Variants in FNBP1 observed in about 807,000 individuals in gnomAD.
FNBP1 encodes the protein formin binding protein 1.
A neutral mutation model predicts 90.6 loss-of-function variants in FNBP1; 26 were observed. The observed-to-expected ratio is 0.29, with a 90% confidence interval of 0.21 to 0.40. FNBP1 has a LOEUF of 0.40. FNBP1 is among the 10% of genes least tolerant of loss of function. The probability of loss-of-function intolerance (pLI) is 1.00; values close to 1 mark genes in which losing one functional copy is unlikely to be tolerated. For synonymous variants in FNBP1, 260 were observed against 265.2 expected (o/e 0.98, Z 0.19); for missense variants, 635 against 768.0 (o/e 0.83, Z 2.05).
chr9:130,035,696 C>T (rs1246763324), intron 1 of FNBP1, among the ~76,000 whole-genome samples: 1 of 152,186 alleles, frequency 6.6e-6, no homozygotes, highest in Non-Finnish European at 1.5e-5. Flanking sequence ...CCTGTAATCC[C>T]AGCACTTTGG....
chr9:129,944,602 G>A (rs2044927564), intron 6 of FNBP1, among the ~76,000 whole-genome samples: 1 of 151,268 alleles, frequency 6.6e-6, no homozygotes, highest in Admixed American at 6.6e-5. Flanking sequence ...CAGAAATAAT[G>A]CAAGGAGAAG....
At chr9:129,936,204 T>C (rs921837847) in intron 6 of FNBP1, 5 of 152,184 alleles carry the variant, frequency 3.3e-5, no homozygotes, top group South Asian at 2.1e-4. Flanking sequence ...ACAGTCAATG[T>C]TTTTTGGAAC....
Position 129,912,761 on chromosome 9 carries a change from C to A in FNBP1, c.1185+3205G>T, listed in dbSNP as rs979691293. On this transcript the variant is annotated intron_variant, in intron 11 of 16. Transcript: ENST00000446176. ...ATTCACCTCGTTAATATGTGCTGAG[C>A]CTTGCTATGTGCTGTGAGTCCAACA... 2.6e-5 allele frequency among the ~76,000 whole-genome samples: 4 copies of A among 151,372 alleles called. No homozygotes were observed. In the East Asian group the frequency reaches 7.7e-4, roughly 29 times the overall value.
intron 4 of FNBP1, among the ~76,000 whole-genome samples, chr9:129,971,978 C>T (rs948948190): frequency 5.9e-5 from 9 of 152,086 alleles, no homozygotes; most frequent in Non-Finnish European, 1.2e-4. Context: ...AGGATTCTGC[C>T]GCTGTATCAA....
At chr9:129,992,725 TG>T (rs2053384413) in intron 2 of FNBP1, among the ~76,000 whole-genome samples, 1 of 150,720 alleles carries the variant, frequency 6.6e-6, no homozygotes, top group African/African-American at 2.4e-5. Flanking sequence ...GGCTCATTTT[TG>T]TATTTTTAGT....
At position 129,965,779 on chromosome 9, in the gene FNBP1, AGGGAAGGAGGGAGGGAGGG is replaced by A. The variant is rs760970858; in HGVS notation, c.346-7245_346-7227del. ...GGAAGTGAAGGAAGGGAGGGAAGGG[AGGGAAGGAGGGAGGGAGGG>A]GGGAAGGAGGGAGGGAGGGAGGAAG... On this transcript the variant is annotated intron_variant, in intron 4 of 16. Transcript: ENST00000446176. Among the ~76,000 whole-genome samples the A allele has an allele frequency of 2.2e-3, 178 of 80,534 alleles. 11 individuals are homozygous for A. The highest frequency in any genetic ancestry group is 3.8e-3 in the East Asian group (8 of 2,094). The allele number at this position is 80,534 out of a possible 152,430, so 52.8% of individuals were successfully genotyped here.
At position 129,900,563 on chromosome 9, in the gene FNBP1, A is replaced by AC. The variant is rs2036722910; in HGVS notation, c.1429-17_1429-16insG. 2.0e-6 allele frequency: 3 copies of AC among 1,530,960 alleles called. No individual in the cohort carries two copies. In the East Asian group the frequency reaches 7.2e-5, roughly 37 times the overall value. The allele number at this position is 1,530,960 out of a possible 1,614,324, so 94.8% of individuals were successfully genotyped here. On this transcript the variant is annotated splice_polypyrimidine_tract_variant and intron_variant, in intron 13 of 16. Coordinates refer to ENST00000446176, the MANE Select transcript of FNBP1 (RefSeq NM_015033.3). The surrounding 1 kb of genome is among the most constrained non-coding windows in gnomAD (Gnocchi z 4.1). ...CCAGCCAGGCCTGGAGACAAAAGCA[A>AC]TGAGAGACTCCAACCTAAGGCCATC...
At chr9:129,899,288 G>A (rs775699879) in intron 15 of FNBP1, among the ~76,000 whole-genome samples, 2 of 151,994 alleles carry the variant, frequency 1.3e-5, no homozygotes, top group Non-Finnish European at 2.9e-5. Context: ...ATGTTGGCGA[G>A]GCTGGTCTTG....
intron 10 of FNBP1, chr9:129,919,211 A>C: frequency 7.7e-7 from 1 of 1,302,938 alleles, no homozygotes; most frequent in South Asian, 1.2e-5. Context: ...CGTCCTCTTC[A>C]TGAGTTCTTT....
At chr9:129,910,504 A>AAAAAAAAAAAAAAG (rs1298095363) in intron 11 of FNBP1, among the ~76,000 whole-genome samples, 2 of 104,114 alleles carry the variant, frequency 1.9e-5, no homozygotes, top group Non-Finnish European at 3.7e-5. Context: ...AAAAAAAAAA[A>AAAAAAAAAAAAAAG]AGAGAGAGAG....
chr9:129,985,743 A>G (rs2052080176), intron 2 of FNBP1, among the ~76,000 whole-genome samples: 1 of 151,380 alleles, frequency 6.6e-6, no homozygotes, highest in African/African-American at 2.4e-5. Context: ...AGGTGGATCA[A>G]CTGAGGTTAA....
chr9:129,954,342 A>G (rs1159186084), intron 6 of FNBP1, among the ~76,000 whole-genome samples: 1 of 152,176 alleles, frequency 6.6e-6, no homozygotes, highest in Non-Finnish European at 1.5e-5. Context: ...TTTTACATAT[A>G]TTATTTCAGA....
intron 4 of FNBP1, among the ~76,000 whole-genome samples, chr9:129,975,566 A>T (rs2050169859): frequency 6.6e-6 from 1 of 152,174 alleles, no homozygotes; most frequent in African/African-American, 2.4e-5. Flanking sequence ...GTCATCATTA[A>T]CAGTGAGTAA....
At chr9:129,909,302 A>G (rs1341179642) in intron 11 of FNBP1, among the ~76,000 whole-genome samples, 2 of 152,188 alleles carry the variant, frequency 1.3e-5, no homozygotes, top group Non-Finnish European at 2.9e-5. Context: ...TCCATGAAAA[A>G]CACATTTTGA....
chr9:130,020,639 T>C (rs1387584221), intron 1 of FNBP1, among the ~76,000 whole-genome samples: 1 of 152,196 alleles, frequency 6.6e-6, no homozygotes, highest in African/African-American at 2.4e-5. Flanking sequence ...CAAAAGGTAC[T>C]AAGAATTTAG....
chr9:129,920,305 T>A (rs945138619), intron 10 of FNBP1, among the ~76,000 whole-genome samples: 7 of 152,220 alleles, frequency 4.6e-5, no homozygotes, highest in Non-Finnish European at 8.8e-5. Flanking sequence ...GTTTTAAGTG[T>A]TAATCTTTTT....
intron 4 of FNBP1, among the ~76,000 whole-genome samples, chr9:129,968,151 T>A (rs1046559105): frequency 2.0e-5 from 3 of 152,012 alleles, no homozygotes; most frequent in Non-Finnish European, 4.4e-5. Flanking sequence ...TCCCAGCACT[T>A]TGGGAGGCCG....
intron 6 of FNBP1, 89 bp from the exon 7 acceptor site, chr9:129,929,784 G>T (rs1408455445): frequency 5.7e-6 from 7 of 1,227,672 alleles, no homozygotes; most frequent in African/African-American, 1.5e-5. Context: ...CTGCACACTG[G>T]GATGCCTAGG....
intron 1 of FNBP1, among the ~76,000 whole-genome samples, chr9:130,009,111 C>CA (rs796295641): frequency 5.3e-5 from 8 of 152,106 alleles, no homozygotes; most frequent in African/African-American, 1.9e-4. Flanking sequence ...CAAAATATTA[C>CA]AAAAATATTA....
Sources: gnomAD v4.1 joint callset for allele counts (sites outside exome capture counted in the v4.1 genomes callset) on GRCh38, gnomAD v4.1.1 for gene constraint, Gnocchi (gnomAD v3.1) non-coding constraint, MANE v1.5 for transcripts, NCBI Gene and HGNC (gene_info 2026-07-23, HGNC 2026-07-21) for gene names.